Variants in SHROOM3 observed in about 807,000 individuals in gnomAD.
SHROOM3 encodes the protein shroom family member 3.
SHROOM3 carries 47 observed loss-of-function variants against 138.6 expected under a neutral mutation model. The ratio of observed to expected loss-of-function variants is 0.34; its 90% CI spans 0.27 to 0.43. The LOEUF (loss-of-function observed/expected upper bound fraction) is 0.43, where lower values mean the gene tolerates loss of function less well. Among genes scored for constraint, SHROOM3 ranks in the 20% least tolerant of loss-of-function variants. The pLI is 1.00. For missense variants in SHROOM3, 2,491 were observed against 2,596.5 expected (o/e 0.96, Z 0.88); for synonymous variants, 1,062 against 1,063.3 (o/e 1.00, Z 0.02).
rs755757441 is a variant in SHROOM3 at position 76,741,644 on chromosome 4, G to A, written c.3471G>A (p.Pro1157=). The A allele has an allele frequency of 3.2e-5, 49 of 1,545,272 alleles. No individual in the cohort carries two copies. In the East Asian group the frequency reaches 1.0e-3, roughly 33 times the overall value. The change falls in exon 5 of 11, where the codon CCG becomes CCA. Residue 1157 remains proline, a synonymous_variant. Coordinates refer to ENST00000296043, the MANE Select transcript of SHROOM3 (RefSeq NM_020859.4). This position sits in a 1 kb window ranked among gnomAD's most constrained non-coding sequence, Gnocchi z 6.2. ...LQPRREATLL[P]ATVAETQQAP... ...CCCGCAGGGAGGCCACGCTCCTGCC[G>A]GCCACAGTTGCAGAAACCCAGCAGG...
intron 2 of SHROOM3, among the ~76,000 whole-genome samples, chr4:76,567,922 C>T (rs112116037): frequency 6.6e-6 from 1 of 150,954 alleles, no homozygotes; most frequent in African/African-American, 2.4e-5. Context: ...AATTAAAAAT[C>T]TCCTCAATTA....
At chr4:76,599,461 T>C (rs1734459700) in intron 2 of SHROOM3, among the ~76,000 whole-genome samples, 1 of 152,190 alleles carries the variant, frequency 6.6e-6, no homozygotes, top group African/African-American at 2.4e-5. Flanking sequence ...AGCTAGTTCA[T>C]CTCCTTTATT....
chr4:76,562,029 A>G (rs1483587219), intron 2 of SHROOM3, among the ~76,000 whole-genome samples: 2 of 152,134 alleles, frequency 1.3e-5, no homozygotes, highest in African/African-American at 2.4e-5. Context: ...AAAACAAAAA[A>G]AACCCTCAAA....
intron 2 of SHROOM3, among the ~76,000 whole-genome samples, chr4:76,641,139 A>G (rs534357465): frequency 3.6e-4 from 55 of 152,342 alleles, no homozygotes; most frequent in African/African-American, 1.3e-3. Flanking sequence ...AAGTAAAGCC[A>G]ATGTATTAAT....
chr4:76,647,051 T>C (rs1201039899), intron 2 of SHROOM3, among the ~76,000 whole-genome samples: 1 of 152,160 alleles, frequency 6.6e-6, no homozygotes, highest in Non-Finnish European at 1.5e-5. Flanking sequence ...AAAATGTATA[T>C]ACACATAGTG....
intron 1 of SHROOM3, among the ~76,000 whole-genome samples, chr4:76,552,019 G>A (rs550570562): frequency 3.5e-4 from 37 of 106,510 alleles, no homozygotes; most frequent in East Asian, 1.3e-3. Flanking sequence ...CCGCCATCAC[G>A]CCCGGCTAAT....
chr4:76,637,017 TTC>T (rs1428487071), intron 2 of SHROOM3, among the ~76,000 whole-genome samples: 1 of 152,246 alleles, frequency 6.6e-6, no homozygotes, highest in East Asian at 1.9e-4. Flanking sequence ...TAACTCTTGT[TTC>T]TATCAATTAG....
At chr4:76,689,583 G>T (rs2110107082) in intron 2 of SHROOM3, 2 of 985,038 alleles carry the variant, frequency 2.0e-6, no homozygotes, top group South Asian at 4.7e-5. Context: ...TGTTGAGCGC[G>T]TTGGGCCCCG....
At chr4:76,770,931 C>A (rs1043617752) in intron 10 of SHROOM3, 33 bp downstream of exon 10, 1 of 1,613,820 alleles carries the variant, frequency 6.2e-7, no homozygotes, top group South Asian at 1.1e-5. Flanking sequence ...TCAACAAGTT[C>A]TCCCTCAAAG....
chr4:76,755,366 T>G (rs1242302786), intron 7 of SHROOM3, among the ~76,000 whole-genome samples, 174 bp downstream of exon 7: 3 of 152,102 alleles, frequency 2.0e-5, no homozygotes, highest in Non-Finnish European at 4.4e-5. Flanking sequence ...CCAGTGTCAT[T>G]GGGTACTGAG....
chr4:76,748,914 T>C, intron 5 of SHROOM3, 103 bp from the exon 6 acceptor site: 1 of 1,048,990 alleles, frequency 9.5e-7, no homozygotes, highest in Non-Finnish European at 1.5e-6. Context: ...CAATAGTAGG[T>C]TGCCAGTAAA....
chr4:76,616,463 TAC>T (rs537455570), intron 2 of SHROOM3, among the ~76,000 whole-genome samples: 75 of 151,700 alleles, frequency 4.9e-4, no homozygotes, highest in Non-Finnish European at 7.8e-4. Flanking sequence ...TTCATATGCA[TAC>T]ACACACACAC....
chr4:76,487,275 T>C (rs1370696263), intron 1 of SHROOM3, among the ~76,000 whole-genome samples: 3 of 152,256 alleles, frequency 2.0e-5, no homozygotes, highest in Non-Finnish European at 2.9e-5. Context: ...ATCAGTACTT[T>C]ATTTCTTTTT....
chr4:76,521,761 C>CTCAT (rs1732571342), intron 1 of SHROOM3, among the ~76,000 whole-genome samples: 1 of 152,142 alleles, frequency 6.6e-6, no homozygotes, highest in Admixed American at 6.5e-5. Flanking sequence ...TTATAAACCT[C>CTCAT]TCATTCATTC....
At chr4:76,568,244 GGCCCTTGGACAAGTTAATT>G (rs1733768677) in intron 2 of SHROOM3, among the ~76,000 whole-genome samples, 1 of 152,146 alleles carries the variant, frequency 6.6e-6, no homozygotes, top group Non-Finnish European at 1.5e-5. Context: ...TACTACTGAG[GGCCCTTGGACAAGTTAATT>G]GCCCTGTGCC....
At chr4:76,756,026 T>A (rs1031047511) in intron 7 of SHROOM3, among the ~76,000 whole-genome samples, 4 of 152,178 alleles carry the variant, frequency 2.6e-5, no homozygotes, top group Non-Finnish European at 4.4e-5. Context: ...ACAGCAACAT[T>A]CACCAGAACT....
intron 6 of SHROOM3, 122 bp from the exon 7 acceptor site, chr4:76,754,188 TG>T: frequency 1.6e-6 from 2 of 1,277,578 alleles, no homozygotes; most frequent in Non-Finnish European, 1.1e-6. Flanking sequence ...GTGCAGTTTC[TG>T]GGGGAAGGAA....
chr4:76,508,916 G>A (rs1732271136), intron 1 of SHROOM3, among the ~76,000 whole-genome samples: 1 of 152,136 alleles, frequency 6.6e-6, no homozygotes, highest in Non-Finnish European at 1.5e-5. Flanking sequence ...TTCCAAAATG[G>A]CACCTTGTTG....
chr4:76,649,049 G>C (rs951957985), intron 2 of SHROOM3, among the ~76,000 whole-genome samples: 1 of 152,176 alleles, frequency 6.6e-6, no homozygotes, highest in African/African-American at 2.4e-5. Context: ...TGTTGGATAA[G>C]AGTAGGTATA....
Sources: allele counts gnomAD v4.1 joint callset (sites outside exome capture counted in the v4.1 genomes callset), GRCh38; gene constraint gnomAD v4.1.1; non-coding constraint Gnocchi (gnomAD v3.1); transcripts MANE v1.5; gene names NCBI Gene and HGNC (gene_info 2026-07-23, HGNC 2026-07-21).